Variants in INPP4B observed in about 807,000 individuals in gnomAD.
The protein encoded by INPP4B is inositol polyphosphate-4-phosphatase type II B.
In INPP4B, 55 loss-of-function variants were observed where a neutral mutation model predicts 122.5. The ratio of observed to expected loss-of-function variants is 0.45; its 90% CI spans 0.36 to 0.56. The LOEUF (loss-of-function observed/expected upper bound fraction) is 0.56, where lower values mean the gene tolerates loss of function less well. INPP4B is among the 20% of genes least tolerant of loss of function. INPP4B has a pLI of 0.00. For missense variants in INPP4B, 1,000 were observed against 1,097.7 expected, an observed-to-expected ratio of 0.91 and a Z score of 1.26; for synonymous variants, 403 against 388.7, an observed-to-expected ratio of 1.04 and a Z score of -0.43.
At chr4:142,622,603 C>A (rs577506339) in intron 2 of INPP4B, among the ~76,000 whole-genome samples, 3 of 151,880 alleles carry the variant, frequency 2.0e-5, no homozygotes, top group East Asian at 3.9e-4. Context: ...TTCCTTGGAC[C>A]AAAACAAGAT....
intron 2 of INPP4B, among the ~76,000 whole-genome samples, chr4:142,567,683 G>T (rs747852213): frequency 8.3e-4 from 126 of 152,014 alleles, no homozygotes; most frequent in Non-Finnish European, 1.5e-3. Flanking sequence ...TATGGGAAAA[G>T]GTACACTTTA....
At chr4:142,598,129 C>T (rs978031642) in intron 2 of INPP4B, among the ~76,000 whole-genome samples, 4 of 152,118 alleles carry the variant, frequency 2.6e-5, no homozygotes, top group African/African-American at 9.7e-5. Flanking sequence ...ACTAGAGGCA[C>T]AGAAGGAGAG....
chr4:142,190,717 A>T (rs1157541088), intron 15 of INPP4B, among the ~76,000 whole-genome samples: 3 of 143,894 alleles, frequency 2.1e-5, no homozygotes, highest in Non-Finnish European at 4.5e-5. Flanking sequence ...GATCTGTAAG[A>T]GTGTGTGTGT....
At chr4:142,272,964 A>T (rs1056859262) in intron 9 of INPP4B, among the ~76,000 whole-genome samples, 3 of 152,024 alleles carry the variant, frequency 2.0e-5, no homozygotes, top group African/African-American at 7.2e-5. Context: ...TTTTTCACTG[A>T]ACTAATCCAA....
rs72728630 is a variant in INPP4B, at chr4:142,742,060, A to C, written c.-253-16159T>G. Among the ~76,000 whole-genome samples the C allele has an allele frequency of 8.2e-3, 1,243 of 152,102 alleles. 11 individuals are homozygous for C. Among genetic ancestry groups the C allele is most frequent in the Non-Finnish European group, 0.011 (777 of 67,950 alleles). On this transcript the variant is annotated intron_variant, in intron 1 of 25. Transcript: ENST00000262992. ...ACAGTAGAATACCAACGATAAAGAG[A>C]TCTTCTTACAGCCTGAAATAACAGA...
At chr4:142,252,478 G>T (rs376821165) in intron 11 of INPP4B, among the ~76,000 whole-genome samples, 1 of 152,006 alleles carries the variant, frequency 6.6e-6, no homozygotes, top group Admixed American at 6.6e-5. Context: ...GTGAGCCACC[G>T]CGCCCGGCCA....
At chr4:142,107,861 A>C (rs905247779) in intron 23 of INPP4B, among the ~76,000 whole-genome samples, 2 of 152,146 alleles carry the variant, frequency 1.3e-5, no homozygotes, top group African/African-American at 4.8e-5. Context: ...GTGGCAATGA[A>C]ATTAATGTCT....
At chr4:142,397,225 C>A (rs1036657423) in intron 7 of INPP4B, among the ~76,000 whole-genome samples, 3 of 152,060 alleles carry the variant, frequency 2.0e-5, no homozygotes, top group African/African-American at 7.2e-5. Flanking sequence ...AACTATGTCA[C>A]AATGAAGACA....
intron 12 of INPP4B, among the ~76,000 whole-genome samples, chr4:142,226,626 C>T (rs755826150): frequency 6.6e-5 from 10 of 152,044 alleles, no homozygotes; most frequent in African/African-American, 1.2e-4. Context: ...AGATTTTGTG[C>T]GCCTGCAACA....
intron 12 of INPP4B, among the ~76,000 whole-genome samples, chr4:142,226,654 C>T (rs902151080): frequency 7.9e-5 from 12 of 151,980 alleles, no homozygotes; most frequent in East Asian, 5.8e-4. Context: ...TGAATTCTAA[C>T]GAAAAGAGTA....
At chr4:142,154,497 T>A (rs1816105880) in intron 17 of INPP4B, among the ~76,000 whole-genome samples, 1 of 152,086 alleles carries the variant, frequency 6.6e-6, no homozygotes, top group Admixed American at 6.6e-5. Flanking sequence ...CAGAGTTGAT[T>A]AAGACACTAG....
chr4:142,269,264 A>G lies in INPP4B; in HGVS notation c.615+1399T>C, dbSNP rs75641401. On this transcript the variant is annotated intron_variant, in intron 10 of 25. Coordinates refer to ENST00000262992, the MANE Select transcript of INPP4B (RefSeq NM_001101669.3). ...ACTGAGCACTAATGAAAGCCTCACT[A>G]TGGGACCACTTACCTCATTGCCTAC... Among the ~76,000 whole-genome samples the G allele has an allele frequency of 7.9e-4, 119 of 150,934 alleles. 3 individuals carry two copies. The East Asian group carries it at 0.023, about 29-fold the overall frequency.
intron 1 of INPP4B, among the ~76,000 whole-genome samples, chr4:142,818,441 C>CGTGTGTGTGTGT (rs10656794): frequency 1.1e-4 from 17 of 149,234 alleles, no homozygotes; most frequent in Non-Finnish European, 2.4e-4. Flanking sequence ...GCAATTTAAA[C>CGTGTGTGTGTGT]GTGTGTGTGT....
At chr4:142,077,919 C>T (rs1240067169) in intron 25 of INPP4B, among the ~76,000 whole-genome samples, 1 of 151,150 alleles carries the variant, frequency 6.6e-6, no homozygotes, top group Non-Finnish European at 1.5e-5. Flanking sequence ...ATGGTTCCCC[C>T]CTAGAAACTA....
At chr4:142,501,839 A>G (rs1823412262) in intron 2 of INPP4B, among the ~76,000 whole-genome samples, 1 of 152,072 alleles carries the variant, frequency 6.6e-6, no homozygotes, top group Non-Finnish European at 1.5e-5. Flanking sequence ...CACAAAGAAA[A>G]AGTTACCTAA....
At chr4:142,229,105 C>A (rs548308459) in intron 12 of INPP4B, among the ~76,000 whole-genome samples, 26 of 151,176 alleles carry the variant, frequency 1.7e-4, no homozygotes, top group Non-Finnish European at 3.5e-4. Flanking sequence ...AAGATGTACA[C>A]GAATATGTAT....
At chr4:142,546,979 A>T (rs1829714775) in intron 2 of INPP4B, among the ~76,000 whole-genome samples, 1 of 152,160 alleles carries the variant, frequency 6.6e-6, no homozygotes, top group Non-Finnish European at 1.5e-5. Flanking sequence ...ATGATAATAT[A>T]AATTATTTTA....
At chr4:142,842,781 G>T (rs1172525394) in intron 1 of INPP4B, among the ~76,000 whole-genome samples, 1 of 126,100 alleles carries the variant, frequency 7.9e-6, no homozygotes, top group Non-Finnish European at 1.6e-5. Context: ...ATAATATACT[G>T]ATATATAAAT....
chr4:142,808,773 A>G (rs943405053), intron 1 of INPP4B, among the ~76,000 whole-genome samples: 1 of 152,118 alleles, frequency 6.6e-6, no homozygotes, highest in Admixed American at 6.5e-5. Context: ...ATGTTAGAAT[A>G]TTTATTTATA....
Sources: allele counts gnomAD v4.1 joint callset (sites outside exome capture counted in the v4.1 genomes callset), GRCh38; gene constraint gnomAD v4.1.1; transcripts MANE v1.5; gene names NCBI Gene and HGNC (gene_info 2026-07-23, HGNC 2026-07-21).